MTIF2: variants seen among roughly 807,000 people sequenced by gnomAD.
MTIF2 encodes mitochondrial translational initiation factor 2.
A neutral mutation model predicts 83.5 loss-of-function variants in MTIF2; 71 were observed. The observed-to-expected ratio is 0.85, with a 90% CI of 0.70 to 1.04. The LOEUF is 1.04. MTIF2 is among the 50% of genes least tolerant of loss of function. MTIF2 has a pLI of 0.00. For missense variants in MTIF2, 957 were observed against 846.5 expected, an observed-to-expected ratio of 1.13 and a Z score of -1.62; for synonymous variants, 319 against 287.1, an observed-to-expected ratio of 1.11 and a Z score of -1.12.
At chr2:55,264,249 G>A (rs915697297) in intron 3 of MTIF2, among the ~76,000 whole-genome samples, 5 of 151,960 alleles carry the variant, frequency 3.3e-5, no homozygotes, top group Admixed American at 1.3e-4. Flanking sequence ...TTTTGAAACC[G>A]GGTCTCACTC....
intron 5 of MTIF2, among the ~76,000 whole-genome samples, chr2:55,262,063 C>T (rs1439883789): frequency 1.3e-5 from 2 of 151,910 alleles, no homozygotes; most frequent in East Asian, 1.9e-4. Context: ...ACAAAACTTC[C>T]GAGAAAGAAA....
rs1442094588 is a variant in MTIF2, at chr2:55,236,723, A to G, written c.2109T>C (p.Phe703=). The G allele has an allele frequency of 6.2e-7, 1 of 1,611,080 alleles. No individual in the cohort carries two copies. ...GLSLDEDNME[F]QVGDRIVCYE... ...AACAAACAATTCTGTCTCCCACTTG[A>G]AATTCCATATTGTCTTCATCTAAAC... The change falls in exon 16 of 16, where the codon TTT becomes TTC. Residue 703 remains phenylalanine (F), a synonymous_variant. Coordinates refer to ENST00000263629, the MANE Select transcript of MTIF2 (RefSeq NM_002453.3).
chr2:55,239,893 C>T, intron 14 of MTIF2, 118 bp downstream of exon 14: 2 of 864,020 alleles, frequency 2.3e-6, no homozygotes, highest in East Asian at 2.8e-5. Context: ...TCATTTTTTT[C>T]TAGAACACAG....
In MTIF2 at chr2:55,236,795, A is replaced by G. The variant is rs750924622; in HGVS notation, c.2037T>C (p.His679=). ...WKGSLTSLKH[H]KDDISIVKTG... is the part of the protein sequence containing the mutation. ...TTTTGACAATTGAAATGTCATCTTT[A>G]TGGTGTTTCAATGAGGTTAATGAGC... Residue 679 remains histidine, a synonymous_variant, in exon 16 of 16, where the codon CAT becomes CAC. Coordinates refer to ENST00000263629, the MANE Select transcript of MTIF2 (RefSeq NM_002453.3). The G allele has an allele frequency of 1.9e-6, 3 of 1,606,270 alleles. No homozygotes were observed. The highest frequency in any genetic ancestry group is 3.4e-5 in the Admixed American group (2 of 58,026).
chr2:55,253,208 A>T (rs944563647), intron 7 of MTIF2, among the ~76,000 whole-genome samples: 15 of 152,312 alleles, frequency 9.8e-5, no homozygotes, highest in African/African-American at 3.6e-4. Context: ...AAAAGACAAA[A>T]CATATAAGGT....
At chr2:55,249,902 G>A (rs1676973555) in intron 8 of MTIF2, among the ~76,000 whole-genome samples, 1 of 152,076 alleles carries the variant, frequency 6.6e-6, no homozygotes, top group African/African-American at 2.4e-5. Context: ...GATCAGCCTG[G>A]CCAACATGGA....
intron 8 of MTIF2, among the ~76,000 whole-genome samples, chr2:55,249,926 T>C (rs1676975336): frequency 6.6e-6 from 1 of 152,010 alleles, no homozygotes; most frequent in Admixed American, 6.6e-5. Flanking sequence ...ATCCCGTCTC[T>C]ACTAAAAAAT....
At chr2:55,252,714 G>C in intron 7 of MTIF2, 61 bp from the exon 8 acceptor site, 1 of 1,160,520 alleles carries the variant, frequency 8.6e-7, no homozygotes, top group South Asian at 1.6e-5. Context: ...TAATACCAAA[G>C]AATATATGCG....
At chr2:55,249,334 C>T in intron 9 of MTIF2, 61 bp downstream of exon 9, 9 of 1,571,804 alleles carry the variant, frequency 5.7e-6, no homozygotes, top group Non-Finnish European at 7.8e-6. Context: ...ATGTAATATA[C>T]TGTGTGCATT....
intron 3 of MTIF2, among the ~76,000 whole-genome samples, chr2:55,265,227 G>C (rs1294602613): frequency 1.6e-5 from 2 of 127,410 alleles, no homozygotes; most frequent in African/African-American, 6.0e-5. Context: ...TGGACGACAA[G>C]AACAAAACTC....
At chr2:55,264,742 A>T (rs925767472) in intron 3 of MTIF2, among the ~76,000 whole-genome samples, 3 of 152,176 alleles carry the variant, frequency 2.0e-5, no homozygotes, top group Non-Finnish European at 2.9e-5. Context: ...TAGGAAGAAG[A>T]CACCCAATAT....
chr2:55,252,490 G>A lies in MTIF2; in HGVS notation c.828C>T (p.Ala276=), dbSNP rs779322075. ...GCCACACAGTACCCTGTGCATCTTT[G>A]GCATGCTGAATAGATTCTACAGTTT... The part of the protein sequence containing the change: ...MKQTVESIQH[A]KDAQVPIILA... The change falls in exon 8 of 16, where the codon GCC becomes GCT. Residue 276 remains alanine (A), a synonymous_variant. Coordinates refer to ENST00000263629, the MANE Select transcript of MTIF2 (RefSeq NM_002453.3). The A allele has an allele frequency of 1.9e-5, 30 of 1,613,832 alleles. No individual in the cohort carries two copies. The highest frequency in any genetic ancestry group is 2.4e-5 in the Non-Finnish European group (28 of 1,179,938).
Position 55,262,171 on chromosome 2 carries a change from T to TA in MTIF2, c.331+144dup, listed in dbSNP as rs1678053675. The TA allele has an allele frequency of 1.2e-5, 8 of 641,210 alleles. No individual in the cohort carries two copies. In the East Asian group the frequency reaches 1.8e-4, roughly 14 times the overall value. 39.7% of individuals were successfully genotyped at this position (641,210 alleles called of 1,614,324 possible). On this transcript the variant is annotated intron_variant, in intron 5 of 15. Transcript: ENST00000263629. ...AAGAAACTAACTAGGGATTATGACTTAAAGTGAAGAATATTACAATGACTT... is the reference window on the plus strand; with the variant it reads ...AAGAAACTAACTAGGGATTATGACTTAAAAGTGAAGAATATTACAATGACTT...
chr2:55,239,120 T>C (rs1177067688), intron 14 of MTIF2, among the ~76,000 whole-genome samples: 1 of 152,176 alleles, frequency 6.6e-6, no homozygotes, highest in African/African-American at 2.4e-5. Flanking sequence ...GGATATATTA[T>C]AATCCATGAT....
At chr2:55,238,093 G>C (rs894372493) in intron 14 of MTIF2, among the ~76,000 whole-genome samples, 1 of 152,054 alleles carries the variant, frequency 6.6e-6, no homozygotes, top group Non-Finnish European at 1.5e-5. Flanking sequence ...ACCCAGGCTG[G>C]AGTGCAGTGG....
At chr2:55,262,513 T>C (rs1350127653) in intron 4 of MTIF2, 86 bp from the exon 5 acceptor site, 1 of 682,030 alleles carries the variant, frequency 1.5e-6, no homozygotes, top group South Asian at 1.8e-5. Context: ...TCTACCACAA[T>C]CATAGCTACA....
chr2:55,257,254 C>T (rs1677617025), intron 5 of MTIF2, among the ~76,000 whole-genome samples: 1 of 152,048 alleles, frequency 6.6e-6, no homozygotes, highest in South Asian at 2.1e-4. Context: ...CCGAGGTGGG[C>T]AGATCACCTA....
intron 8 of MTIF2, among the ~76,000 whole-genome samples, chr2:55,250,564 A>C (rs971035574): frequency 1.3e-5 from 2 of 152,190 alleles, no homozygotes; most frequent in Admixed American, 1.3e-4. Flanking sequence ...ATTTTCTTTT[A>C]GGACTTATAC....
chr2:55,263,557 C>G (rs1678196512), intron 4 of MTIF2, 83 bp downstream of exon 4: 1 of 1,075,594 alleles, frequency 9.3e-7, no homozygotes, highest in Admixed American at 2.5e-5. Flanking sequence ...TTGCGGTGAG[C>G]TGAGATCGCG....
Sources: allele counts gnomAD v4.1 joint callset (sites outside exome capture counted in the v4.1 genomes callset), GRCh38; gene constraint gnomAD v4.1.1; transcripts MANE v1.5; gene names NCBI Gene and HGNC (gene_info 2026-07-23, HGNC 2026-07-21).